FBXW11: variants seen among roughly 807,000 people sequenced by gnomAD.
The protein encoded by FBXW11 is F-box and WD repeat domain containing 11.
A neutral mutation model predicts 77.6 loss-of-function variants in FBXW11; 19 were observed. The ratio of observed to expected loss-of-function variants is 0.24; its 90% confidence interval spans 0.17 to 0.36. The LOEUF is 0.36. Ranked by LOEUF, FBXW11 falls within the 10% of genes least tolerant of loss-of-function variation. The pLI, the probability that FBXW11 is intolerant of heterozygous loss-of-function variation, is 1.00. For missense variants in FBXW11, 334 were observed against 704.2 expected (o/e 0.47, Z 5.95); for synonymous variants, 235 against 249.4 (o/e 0.94, Z 0.54).
intron 2 of FBXW11, among the ~76,000 whole-genome samples, chr5:171,915,532 C>T (rs894092169): frequency 1.3e-5 from 2 of 151,638 alleles, no homozygotes; most frequent in African/African-American, 4.8e-5. Context: ...TGGCTCTGAT[C>T]AGGAATGCAG....
At chr5:171,886,084 C>G (rs556605677) in intron 7 of FBXW11, among the ~76,000 whole-genome samples, 1 of 152,326 alleles carries the variant, frequency 6.6e-6, no homozygotes, top group Non-Finnish European at 1.5e-5. Context: ...CACAGCCAGA[C>G]TATGCTTTGA....
chr5:172,002,728 T>C (rs1306015923), intron 1 of FBXW11, among the ~76,000 whole-genome samples: 2 of 146,190 alleles, frequency 1.4e-5, no homozygotes, highest in African/African-American at 5.1e-5. Flanking sequence ...GAGAGTGTCT[T>C]GCTCTGTTAC....
intron 7 of FBXW11, among the ~76,000 whole-genome samples, chr5:171,881,157 C>A (rs1350170916): frequency 6.6e-6 from 1 of 152,060 alleles, no homozygotes; most frequent in Non-Finnish European, 1.5e-5. Context: ...TTTCTACAAT[C>A]ATGTCATCTA....
chr5:171,972,941 G>C (rs1047915756), intron 1 of FBXW11, among the ~76,000 whole-genome samples: 1 of 152,192 alleles, frequency 6.6e-6, no homozygotes, highest in Non-Finnish European at 1.5e-5. Context: ...CAGCAGCCAG[G>C]TTATTGCTTC....
chr5:171,883,535 AT>A (rs1451742805), intron 7 of FBXW11, among the ~76,000 whole-genome samples: 12 of 152,322 alleles, frequency 7.9e-5, no homozygotes, highest in East Asian at 3.9e-4. Flanking sequence ...AATAAAAAAA[AT>A]AAAAGAAAAA....
At chr5:171,905,009 G>A (rs1354867569) in intron 4 of FBXW11, among the ~76,000 whole-genome samples, 2 of 152,106 alleles carry the variant, frequency 1.3e-5, no homozygotes, top group South Asian at 4.1e-4. Flanking sequence ...AGTTTTTACA[G>A]AAATAAATCC....
At chr5:171,930,754 T>TAAAAAAAAAAAA (rs1300857997) in intron 2 of FBXW11, among the ~76,000 whole-genome samples, 1 of 32,332 alleles carries the variant, frequency 3.1e-5, no homozygotes, top group African/African-American at 8.5e-5. Context: ...AAATAAAAAA[T>TAAAAAAAAAAAA]AAAAAAATAA....
At chr5:171,967,596 T>A (rs1490756141) in intron 1 of FBXW11, among the ~76,000 whole-genome samples, 2 of 152,000 alleles carry the variant, frequency 1.3e-5, no homozygotes, top group Non-Finnish European at 2.9e-5. Flanking sequence ...TCCCAGCACT[T>A]TGGGAGGCCG....
chr5:171,885,811 G>A (rs930295849), intron 7 of FBXW11, among the ~76,000 whole-genome samples: 8 of 152,176 alleles, frequency 5.3e-5, no homozygotes, highest in Non-Finnish European at 5.9e-5. Context: ...TATAAATGAG[G>A]TAGACACTGA....
At chr5:171,919,001 T>G (rs1278065527) in intron 2 of FBXW11, among the ~76,000 whole-genome samples, 1 of 152,200 alleles carries the variant, frequency 6.6e-6, no homozygotes, top group East Asian at 1.9e-4. Context: ...TTCTTTCTCC[T>G]TAGCCATCTT....
chr5:171,871,753 A>C (rs964829677), intron 10 of FBXW11, among the ~76,000 whole-genome samples: 2 of 152,222 alleles, frequency 1.3e-5, no homozygotes, highest in African/African-American at 4.8e-5. Context: ...GATACATCCA[A>C]AGAATGTATT....
At chr5:171,913,477 A>G (rs1242066755) in intron 3 of FBXW11, among the ~76,000 whole-genome samples, 1 of 152,206 alleles carries the variant, frequency 6.6e-6, no homozygotes, top group Non-Finnish European at 1.5e-5. Flanking sequence ...CACAGTGTTA[A>G]GAAGAAAATA....
chr5:171,936,602 G>C (rs1409259597), intron 2 of FBXW11, among the ~76,000 whole-genome samples: 4 of 150,100 alleles, frequency 2.7e-5, no homozygotes, highest in African/African-American at 9.8e-5. Flanking sequence ...AAATAAAAGA[G>C]CAAAGAAAGC....
intron 7 of FBXW11, among the ~76,000 whole-genome samples, chr5:171,881,007 GT>G (rs1325228981): frequency 6.6e-6 from 1 of 152,118 alleles, no homozygotes; most frequent in African/African-American, 2.4e-5. Flanking sequence ...ATGTTATTGT[GT>G]TTTTAATTTC....
chr5:171,897,057 T>C (rs1323845144), intron 6 of FBXW11, among the ~76,000 whole-genome samples: 1 of 152,204 alleles, frequency 6.6e-6, no homozygotes, highest in African/African-American at 2.4e-5. Context: ...GGGTACATGG[T>C]TGATCACAGA....
intron 7 of FBXW11, among the ~76,000 whole-genome samples, chr5:171,886,201 CAAT>C (rs1758860930): frequency 6.6e-6 from 1 of 152,078 alleles, no homozygotes; most frequent in Admixed American, 6.6e-5. Flanking sequence ...AAATGTCCAA[CAAT>C]GATAGACTGG....
intron 1 of FBXW11, among the ~76,000 whole-genome samples, chr5:171,982,271 A>G (rs1187862408): frequency 6.6e-6 from 1 of 152,006 alleles, no homozygotes; most frequent in South Asian, 2.1e-4. Context: ...ATTTTTATTT[A>G]TTTATTTATT....
chr5:171,947,508 C>T (rs1422016937), intron 2 of FBXW11, among the ~76,000 whole-genome samples: 1 of 151,490 alleles, frequency 6.6e-6, no homozygotes, highest in African/African-American at 2.4e-5. Context: ...AGACCCCAGT[C>T]CGGACAACAT....
rs535476961 is a variant in FBXW11, at chr5:171,888,784, A to G, written c.852+2683T>C. ...TAAAGATGTTAAGCACCTACTCTATACTCCACAGGATAAAGATAAACGTGC... is the reference window on the plus strand; with the variant it reads ...TAAAGATGTTAAGCACCTACTCTATGCTCCACAGGATAAAGATAAACGTGC... On this transcript the variant is annotated intron_variant, in intron 7 of 13. Transcript: ENST00000517395. 2.6e-5 allele frequency among the ~76,000 whole-genome samples: 4 copies of G among 152,338 alleles called. No homozygotes were observed. The South Asian group carries it at 8.3e-4, about 32-fold the overall frequency.
Sources: allele counts gnomAD v4.1 joint callset (sites outside exome capture counted in the v4.1 genomes callset), GRCh38; gene constraint gnomAD v4.1.1; transcripts MANE v1.5; gene names NCBI Gene and HGNC (gene_info 2026-07-23, HGNC 2026-07-21).